Variants in LARGE1 observed in about 807,000 individuals in gnomAD.
The protein encoded by LARGE1 is LARGE xylosyl- and glucuronyltransferase 1.
LARGE1 carries 43 observed loss-of-function variants against 87.6 expected under a neutral mutation model. The observed-to-expected ratio is 0.49, with a 90% CI of 0.38 to 0.63. The LOEUF is 0.63. LARGE1 is among the 30% of genes least tolerant of loss of function. The probability of loss-of-function intolerance (pLI) is 0.00; values close to 1 mark genes in which losing one functional copy is unlikely to be tolerated. For synonymous variants in LARGE1, 434 were observed against 394.6 expected, an observed-to-expected ratio of 1.10 and a Z score of -1.18; for missense variants, 802 against 1,000.2, an observed-to-expected ratio of 0.80 and a Z score of 2.67.
At chr22:33,343,343 C>A (rs911157684) in intron 9 of LARGE1, among the ~76,000 whole-genome samples, 1 of 152,134 alleles carries the variant, frequency 6.6e-6, no homozygotes, top group Non-Finnish European at 1.5e-5. Flanking sequence ...TGGTCTCAAA[C>A]TCCTAAACTG....
intron 5 of LARGE1, among the ~76,000 whole-genome samples, chr22:33,603,624 G>A (rs1321955958): frequency 1.3e-5 from 2 of 152,168 alleles, no homozygotes; most frequent in Non-Finnish European, 2.9e-5. Context: ...CAGATGGAAG[G>A]AACAGAATAA....
chr22:33,535,701 T>G (rs2077023019), intron 6 of LARGE1, among the ~76,000 whole-genome samples: 1 of 152,172 alleles, frequency 6.6e-6, no homozygotes, highest in African/African-American at 2.4e-5. Context: ...CCATTCCATG[T>G]GGCATTTGGG....
chr22:33,609,364 A>ACCC (rs2079359175), intron 4 of LARGE1, among the ~76,000 whole-genome samples: 2 of 152,210 alleles, frequency 1.3e-5, no homozygotes, highest in South Asian at 4.1e-4. Context: ...TCTCAGAGTT[A>ACCC]GATTGAAAAC....
At chr22:33,678,428 C>T (rs767589776) in intron 2 of LARGE1, among the ~76,000 whole-genome samples, 2 of 152,166 alleles carry the variant, frequency 1.3e-5, no homozygotes, top group Non-Finnish European at 2.9e-5. Flanking sequence ...TAAACCACCA[C>T]CTAAATGCAT....
intron 1 of LARGE1, among the ~76,000 whole-genome samples, chr22:33,763,405 A>T (rs974769846): frequency 5.3e-5 from 8 of 152,212 alleles, no homozygotes; most frequent in African/African-American, 1.9e-4. Flanking sequence ...AGAAAGTAAA[A>T]CTGAAAAAAG....
intron 11 of LARGE1, among the ~76,000 whole-genome samples, chr22:33,226,818 C>A (rs944333977): frequency 5.3e-5 from 8 of 151,952 alleles, no homozygotes; most frequent in Admixed American, 4.6e-4. Flanking sequence ...CAAGCTCCAC[C>A]TCCCAGGTTC....
chr22:33,922,498 G>A (rs1281411849), upstream of LARGE1: 1 of 152,104 alleles, frequency 6.6e-6, no homozygotes, highest in East Asian at 1.9e-4. Flanking sequence ...GGCTGACCGA[G>A]CCCAGCAGAA....
rs371997278 is a variant in LARGE1 at position 33,867,487 on chromosome 22, AC to A, written c.-83+52507del. Among the ~76,000 whole-genome samples, 23 of 152,204 alleles carry A rather than the reference AC, an allele frequency of 1.5e-4. No individual in the cohort carries two copies. The East Asian group carries it at 4.3e-3, about 28-fold the overall frequency. On this transcript the variant is annotated intron_variant, in intron 1 of 14. Transcript: ENST00000397394. Reference sequence around the variant, plus strand: ...AAACCCCTCCCCAGCCCTCGGACTCACCTGCCGGCCTGAGCAACGTGCCTTC... The same window carrying A: ...AAACCCCTCCCCAGCCCTCGGACTCACTGCCGGCCTGAGCAACGTGCCTTC...
intron 9 of LARGE1, among the ~76,000 whole-genome samples, chr22:33,342,699 G>A (rs537773278): frequency 1.3e-5 from 2 of 152,256 alleles, no homozygotes; most frequent in Admixed American, 6.5e-5. Context: ...ACCGCAAGCC[G>A]TCTGTTAGCT....
At chr22:33,474,329 A>G (rs1378779695) in intron 6 of LARGE1, among the ~76,000 whole-genome samples, 2 of 151,998 alleles carry the variant, frequency 1.3e-5, no homozygotes, top group Non-Finnish European at 2.9e-5. Context: ...ATGCCTGGCT[A>G]ATTTTCTGTT....
At chr22:33,894,280 G>A (rs2065077455) in intron 1 of LARGE1, among the ~76,000 whole-genome samples, 1 of 152,122 alleles carries the variant, frequency 6.6e-6, no homozygotes, top group South Asian at 2.1e-4. Context: ...TGGTCCCCAA[G>A]ATGCATCACA....
chr22:33,438,947 A>T (rs973337422), intron 6 of LARGE1, among the ~76,000 whole-genome samples: 1 of 152,146 alleles, frequency 6.6e-6, no homozygotes, highest in African/African-American at 2.4e-5. Context: ...GCGGTGGCTC[A>T]CACCTGTAAT....
intron 1 of LARGE1, among the ~76,000 whole-genome samples, chr22:33,871,994 A>AG (rs919264568): frequency 9.2e-5 from 14 of 151,538 alleles, no homozygotes; most frequent in African/African-American, 3.1e-4. Context: ...AAAAAAAAAA[A>AG]AAAAGAAAAG....
At chr22:33,805,605 G>C (rs2146114777) in intron 1 of LARGE1, among the ~76,000 whole-genome samples, 1 of 152,116 alleles carries the variant, frequency 6.6e-6, no homozygotes, top group South Asian at 2.1e-4. Flanking sequence ...ATGATGGCAG[G>C]TGTCTGTAAT....
At chr22:33,331,386 T>TTC (rs149146872) in intron 10 of LARGE1, among the ~76,000 whole-genome samples, 8,028 of 151,264 alleles carry the variant, frequency 0.053, 404 homozygotes, top group African/African-American at 0.12. Context: ...TTTTCTTTCT[T>TTC]TCTCTCTCTC....
intron 3 of LARGE1, among the ~76,000 whole-genome samples, chr22:33,641,788 GA>G (rs2080442001): frequency 1.3e-5 from 2 of 152,264 alleles, no homozygotes; most frequent in Admixed American, 1.3e-4. Context: ...ATCAGAGATT[GA>G]AGATCAACTT....
At chr22:33,407,183 A>G (rs1397190723) in intron 7 of LARGE1, among the ~76,000 whole-genome samples, 2 of 151,480 alleles carry the variant, frequency 1.3e-5, no homozygotes, top group African/African-American at 4.9e-5. Context: ...GGGTCTTACT[A>G]TGTTGAGCAG....
At chr22:33,735,220 A>G (rs949303761) in intron 2 of LARGE1, among the ~76,000 whole-genome samples, 1 of 152,158 alleles carries the variant, frequency 6.6e-6, no homozygotes, top group Non-Finnish European at 1.5e-5. Flanking sequence ...ATTCCCATGT[A>G]TTTGATATTT....
At chr22:33,180,389 A>C (rs991271128) in intron 11 of LARGE1, among the ~76,000 whole-genome samples, 1 of 152,252 alleles carries the variant, frequency 6.6e-6, no homozygotes, top group African/African-American at 2.4e-5. Context: ...TTAGGCCCAC[A>C]AGAATGGTTA....
Sources: allele counts gnomAD v4.1 joint callset (sites outside exome capture counted in the v4.1 genomes callset), GRCh38; gene constraint gnomAD v4.1.1; transcripts MANE v1.5; gene names NCBI Gene and HGNC (gene_info 2026-07-23, HGNC 2026-07-21).